Variants in PDE1C observed in about 807,000 individuals in gnomAD.
The protein encoded by PDE1C is dual specificity calcium/calmodulin-dependent 3',5'-cyclic nucleotide phosphodiesterase 1C.
A neutral mutation model predicts 93.1 loss-of-function variants in PDE1C; 62 were observed. That is an observed-to-expected ratio of 0.67 (90% CI 0.54 to 0.82). The LOEUF (loss-of-function observed/expected upper bound fraction) is 0.82. Among genes scored for constraint, PDE1C ranks in the 40% least tolerant of loss-of-function variants. PDE1C has a pLI of 0.00. For missense variants in PDE1C, 742 were observed against 884.6 expected (o/e 0.84, Z 2.04); for synonymous variants, 325 against 310.1 (o/e 1.05, Z -0.50).
At chr7:31,897,170 A>C (rs1307188950) in intron 2 of PDE1C, among the ~76,000 whole-genome samples, 1 of 152,014 alleles carries the variant, frequency 6.6e-6, no homozygotes, top group Non-Finnish European at 1.5e-5. Context: ...ATTGCATGGG[A>C]TTTGGCGAGT....
chr7:31,733,461 G>A, the PDE1C span, among the ~76,000 whole-genome samples: 1 of 152,136 alleles, frequency 6.6e-6, no homozygotes, highest in African/African-American at 2.4e-5. Context: ...AGCCACTATG[G>A]CTCCCATTAA....
At chr7:31,621,480 C>A in the PDE1C span, among the ~76,000 whole-genome samples, 1 of 138,552 alleles carries the variant, frequency 7.2e-6, no homozygotes, top group Non-Finnish European at 1.5e-5. Flanking sequence ...GAATTTTCAA[C>A]CCAGAATTTC....
intron 1 of PDE1C, among the ~76,000 whole-genome samples, chr7:32,220,939 G>C (rs73304699): frequency 0.014 from 2,136 of 152,290 alleles, 24 homozygotes; most frequent in African/African-American, 0.027. Flanking sequence ...AGGGATGGGA[G>C]CACCTTCCTT....
Position 31,873,403 on chromosome 7 carries a change from C to T in PDE1C, c.498G>A (p.Val166=). The change falls in exon 6 of 18, where the codon GTG becomes GTA. Residue 166 remains valine (V), a synonymous_variant. Transcript: ENST00000396191. ...AAAAGACGTCAAAGGACCACTTGTC[C>T]ACATCCTGCAGGACAGGGTGGGGAG... ...PPAVIEALKD[V]DKWSFDVFSL... is the part of the protein sequence containing the mutation. 1 of 1,602,574 alleles carries T rather than the reference C, an allele frequency of 6.2e-7. No individual in the cohort carries two copies. Among genetic ancestry groups the T allele is most frequent in the Non-Finnish European group, 8.5e-7 (1 of 1,169,760 alleles).
intron 2 of PDE1C, among the ~76,000 whole-genome samples, chr7:32,197,092 A>C (rs1458293145): frequency 6.6e-6 from 1 of 152,194 alleles, no homozygotes; most frequent in Non-Finnish European, 1.5e-5. Context: ...TTTCCATCTT[A>C]AGTATGCTTC....
At chr7:31,836,479 C>A (rs1023382272) in intron 11 of PDE1C, among the ~76,000 whole-genome samples, 1 of 152,096 alleles carries the variant, frequency 6.6e-6, no homozygotes, top group Non-Finnish European at 1.5e-5. Flanking sequence ...GGATTACAGG[C>A]ACCCACCACC....
chr7:31,668,517 A>G, the PDE1C span, among the ~76,000 whole-genome samples: 2 of 152,140 alleles, frequency 1.3e-5, no homozygotes, highest in Admixed American at 1.3e-4. Flanking sequence ...AAATACTGAT[A>G]TCTACTACAA....
intron 1 of PDE1C, among the ~76,000 whole-genome samples, chr7:32,354,601 A>T (rs1036905473): frequency 1.3e-5 from 2 of 152,194 alleles, no homozygotes; most frequent in South Asian, 4.1e-4. Context: ...CTTGTTTAAA[A>T]AAAAGTTTGT....
the PDE1C span, among the ~76,000 whole-genome samples, chr7:31,725,078 G>T: frequency 6.6e-6 from 1 of 152,126 alleles, no homozygotes; most frequent in Non-Finnish European, 1.5e-5. Context: ...AGACTTGTCT[G>T]GGAAAAGTGT....
the PDE1C span, among the ~76,000 whole-genome samples, chr7:31,731,480 T>TC: frequency 6.6e-6 from 1 of 152,056 alleles, no homozygotes; most frequent in East Asian, 1.9e-4. Context: ...AACCTCCGCC[T>TC]CCCCGGTTCA....
intron 3 of PDE1C, among the ~76,000 whole-genome samples, chr7:32,168,023 C>T (rs1332266460): frequency 6.6e-6 from 1 of 152,076 alleles, no homozygotes; most frequent in Non-Finnish European, 1.5e-5. Flanking sequence ...GCACTGTCAT[C>T]AAAATCAACC....
rs17852068 is a variant in PDE1C, at chr7:31,873,391, G to T, written c.510C>A (p.Ser170=). Residue 170 remains serine, a synonymous_variant, in exon 6 of 18, where the codon TCC becomes TCA. Coordinates refer to ENST00000396191, the MANE Select transcript of PDE1C (RefSeq NM_001191057.4). ...CCTCATTGAGGGAAAAGACGTCAAA[G>T]GACCACTTGTCCACATCCTGCAGGA... ...IEALKDVDKW[S]FDVFSLNEAS... is the part of the protein sequence containing the mutation. The T allele has an allele frequency of 6.2e-7, 1 of 1,612,372 alleles. No homozygotes were observed. The highest frequency in any genetic ancestry group is 8.5e-7 in the Non-Finnish European group (1 of 1,178,610).
At chr7:31,922,876 G>A (rs1243766381) in intron 2 of PDE1C, among the ~76,000 whole-genome samples, 1 of 152,122 alleles carries the variant, frequency 6.6e-6, no homozygotes, top group Non-Finnish European at 1.5e-5. Flanking sequence ...TTGAAAGAAT[G>A]TCAAGAACAA....
In PDE1C at chr7:32,307,859, T is replaced by C. The variant is rs184551169; in HGVS notation, c.311-98320A>G. Among the ~76,000 whole-genome samples the C allele has an allele frequency of 4.6e-5, 7 of 152,308 alleles. No homozygotes were observed. The South Asian group carries it at 1.0e-3, about 23-fold the overall frequency. On this transcript the variant is annotated intron_variant, in intron 1 of 1. Transcript: ENST00000672256. Reference sequence around the variant, plus strand: ...ATCTGAGGTACCGGGTTCATCTCACTAGGGAGTGCCAGATAGTGGGTGCAG... The same window carrying C: ...ATCTGAGGTACCGGGTTCATCTCACCAGGGAGTGCCAGATAGTGGGTGCAG...
intron 1 of PDE1C, among the ~76,000 whole-genome samples, chr7:32,242,243 G>A (rs1808593158): frequency 6.6e-6 from 1 of 152,178 alleles, no homozygotes; most frequent in South Asian, 2.1e-4. Context: ...TGGGTAAGGA[G>A]GGAACTTAGA....
At chr7:31,900,864 T>A (rs1414340442) in intron 2 of PDE1C, among the ~76,000 whole-genome samples, 1 of 151,860 alleles carries the variant, frequency 6.6e-6, no homozygotes, top group African/African-American at 2.4e-5. Flanking sequence ...GGTTCAATAT[T>A]TTAAAATCTA....
intron 2 of PDE1C, among the ~76,000 whole-genome samples, chr7:31,967,449 G>A (rs1810190847): frequency 6.6e-6 from 1 of 152,194 alleles, no homozygotes. Flanking sequence ...AACAGGAGCT[G>A]AAATTGAGGC....
At chr7:31,883,289 A>G (rs1860788) in intron 2 of PDE1C, among the ~76,000 whole-genome samples, 13,347 of 152,260 alleles carry the variant, frequency 0.088, 704 homozygotes, top group South Asian at 0.21. Context: ...AACTTTAAGC[A>G]CAGTGGTCTT....
intron 1 of PDE1C, among the ~76,000 whole-genome samples, chr7:32,239,138 G>C (rs909356819): frequency 6.6e-6 from 1 of 152,144 alleles, no homozygotes; most frequent in Non-Finnish European, 1.5e-5. Flanking sequence ...GAGGTGGAAG[G>C]ATCGCTTGTG....
Sources: allele counts gnomAD v4.1 joint callset (sites outside exome capture counted in the v4.1 genomes callset), GRCh38; gene constraint gnomAD v4.1.1; transcripts MANE v1.5; gene names NCBI Gene and HGNC (gene_info 2026-07-23, HGNC 2026-07-21).